FHOD3: variants seen among roughly 807,000 people sequenced by gnomAD.
FHOD3 encodes FH1/FH2 domain-containing protein 3.
In FHOD3, 90 loss-of-function variants were observed where a neutral mutation model predicts 173.0. That is an observed-to-expected ratio of 0.52 (90% CI 0.44 to 0.62). The LOEUF is 0.62. Among genes scored for constraint, FHOD3 ranks in the 20% least tolerant of loss-of-function variants. The pLI, the probability that FHOD3 is intolerant of heterozygous loss-of-function variation, is 0.00. For synonymous variants in FHOD3, 828 were observed against 823.0 expected (o/e 1.01, Z -0.10); for missense variants, 1,945 against 2,034.7 (o/e 0.96, Z 0.85).
At position 36,701,741 on chromosome 18, in the gene FHOD3, C is replaced by A. The variant is rs1048468572; in HGVS notation, c.2237-7354C>A. On this transcript the variant is annotated intron_variant, in intron 17 of 28. Transcript: ENST00000590592. The stretch of plus-strand genomic sequence containing the variant: ...ACACAGCCCATGAATGCAATCCCAG[C>A]ACTTAAGGAGTTCCACTGACGCTAA... Among the ~76,000 whole-genome samples the A allele has an allele frequency of 5.9e-5, 9 of 152,304 alleles. No individual in the cohort carries two copies. The East Asian group carries it at 1.7e-3, about 29-fold the overall frequency.
chr18:36,474,759 C>G (rs72891776), intron 3 of FHOD3, among the ~76,000 whole-genome samples: 1 of 152,198 alleles, frequency 6.6e-6, no homozygotes, highest in African/African-American at 2.4e-5. Context: ...AGCCTGAGCT[C>G]CTGGGGCAGG....
At chr18:36,775,305 G>A (rs943430231) in intron 28 of FHOD3, among the ~76,000 whole-genome samples, 12 of 152,218 alleles carry the variant, frequency 7.9e-5, no homozygotes, top group Admixed American at 7.9e-4. Context: ...AGGTGAAAGC[G>A]CACAGATGGA....
intron 3 of FHOD3, among the ~76,000 whole-genome samples, chr18:36,398,884 T>TGG (rs900375310): frequency 6.6e-6 from 1 of 151,778 alleles, no homozygotes; most frequent in African/African-American, 2.4e-5. Flanking sequence ...AGGACAGGGA[T>TGG]GGGGGGGATC....
intron 3 of FHOD3, among the ~76,000 whole-genome samples, chr18:36,402,341 T>C (rs1405999462): frequency 6.6e-6 from 1 of 152,202 alleles, no homozygotes; most frequent in African/African-American, 2.4e-5. Flanking sequence ...GTGCTCATCT[T>C]GATCTATATC....
intron 3 of FHOD3, among the ~76,000 whole-genome samples, chr18:36,409,485 G>A (rs548110985): frequency 3.3e-5 from 5 of 152,100 alleles, no homozygotes; most frequent in Non-Finnish European, 7.4e-5. Context: ...TGGTCTGGGA[G>A]CCCAGGGTTT....
chr18:36,716,849 C>T (rs1210012323), intron 18 of FHOD3, among the ~76,000 whole-genome samples: 3 of 151,448 alleles, frequency 2.0e-5, no homozygotes, highest in Non-Finnish European at 4.4e-5. Context: ...TAGGTGATAG[C>T]TAGAGGGATG....
At chr18:36,673,954 G>A (rs192353005) in intron 14 of FHOD3, among the ~76,000 whole-genome samples, 1 of 152,050 alleles carries the variant, frequency 6.6e-6, no homozygotes, top group Non-Finnish European at 1.5e-5. Flanking sequence ...TTTGGATAAT[G>A]GAAATGCTGA....
intron 5 of FHOD3, among the ~76,000 whole-genome samples, chr18:36,558,377 T>C (rs969644830): frequency 6.6e-6 from 1 of 152,332 alleles, no homozygotes; most frequent in Non-Finnish European, 1.5e-5. Flanking sequence ...TGCTGTCTAG[T>C]GTCTTGAAAA....
rs148427690 is a variant in FHOD3, at chr18:36,759,088, C to CGTCCT, written c.4426-14_4426-10dup. The CGTCCT allele has an allele frequency of 2.2e-3, 3,322 of 1,535,360 alleles. 56 individuals are homozygous for CGTCCT. The African/African-American group carries it at 0.04, about 19-fold the overall frequency. Reference sequence around the variant, plus strand: ...TTCTAAGAATCCCTTCTGTCTTTTCCGTCCTGTCCTGTCCTGTCCTCTCGG... The same window carrying CGTCCT: ...TTCTAAGAATCCCTTCTGTCTTTTCCGTCCTGTCCTGTCCTGTCCTGTCCTCTCGG... On this transcript the variant is annotated intron_variant, in intron 25 of 28. Transcript: ENST00000590592.
rs760874847 is a variant in FHOD3 at position 36,625,742 on chromosome 18, C to A, written c.1189C>A (p.Arg397Ser). The A allele has an allele frequency of 1.7e-5, 27 of 1,605,414 alleles. No individual in the cohort carries two copies. The highest frequency in any genetic ancestry group is 2.3e-5 in the Non-Finnish European group (27 of 1,174,822). The change falls in exon 10 of 29, where the codon CGT (arginine) becomes AGT (serine). Residue 397 changes from arginine (R) to serine (S), a missense_variant. This residue lies in a region of FHOD3 where 1,099 missense variants were observed against 1,051.2 expected (regional missense o/e 1.05). Coordinates refer to ENST00000590592, the MANE Select transcript of FHOD3 (RefSeq NM_001281740.3). ...CAAGCCCAACCAAGTGCGAGATCTG[C>A]GTGAAAAGTAAGCATTAACTTGGCA... ...SFKPNQVRDLREKEEEEEEEQ... is the reference protein window; with the variant it reads ...SFKPNQVRDLSEKEEEEEEEQ...
At chr18:36,503,564 A>G (rs1291129759) in intron 4 of FHOD3, among the ~76,000 whole-genome samples, 1 of 152,138 alleles carries the variant, frequency 6.6e-6, no homozygotes, top group African/African-American at 2.4e-5. Flanking sequence ...TCCAACAGCC[A>G]TGGTTTTGAA....
chr18:36,408,475 G>A (rs767787764), intron 3 of FHOD3, among the ~76,000 whole-genome samples: 1 of 152,146 alleles, frequency 6.6e-6, no homozygotes, highest in Non-Finnish European at 1.5e-5. Flanking sequence ...GCTGAAGGAG[G>A]TGTGAAGGGC....
rs543013232 is a variant in FHOD3 at position 36,724,422 on chromosome 18, C to T, written c.3417+5707C>T. Among the ~76,000 whole-genome samples the T allele has an allele frequency of 3.3e-5, 5 of 152,320 alleles. No individual in the cohort carries two copies. In the South Asian group the frequency reaches 6.2e-4, roughly 19 times the overall value. On this transcript the variant is annotated intron_variant, in intron 19 of 28. Coordinates refer to ENST00000590592, the MANE Select transcript of FHOD3 (RefSeq NM_001281740.3). ...GCCCACCAGCTGAATCTGGGGCTGC[C>T]GAGAACAGGCACAGCTCTTCCCGAA...
At chr18:36,538,141 T>C (rs1453123675) in intron 5 of FHOD3, among the ~76,000 whole-genome samples, 1 of 152,076 alleles carries the variant, frequency 6.6e-6, no homozygotes, top group Non-Finnish European at 1.5e-5. Context: ...AAATATAGAA[T>C]TGAGTGAAAA....
intron 3 of FHOD3, among the ~76,000 whole-genome samples, chr18:36,437,620 C>G: frequency 6.7e-6 from 1 of 149,780 alleles, no homozygotes; most frequent in East Asian, 1.9e-4. Flanking sequence ...TCCTTCCACA[C>G]TAGTAGTTGG....
At chr18:36,465,232 A>T (rs2052839817) in intron 3 of FHOD3, among the ~76,000 whole-genome samples, 1 of 152,114 alleles carries the variant, frequency 6.6e-6, no homozygotes, top group Non-Finnish European at 1.5e-5. Flanking sequence ...GGAGGCTGAG[A>T]CAGGAGAATT....
intron 10 of FHOD3, among the ~76,000 whole-genome samples, chr18:36,645,821 G>C (rs114427097): frequency 0.025 from 3,741 of 152,074 alleles, 162 homozygotes; most frequent in African/African-American, 0.086. Flanking sequence ...AGTCTTCATA[G>C]CTCTTTAACA....
chr18:36,586,739 C>A (rs2148203706), intron 6 of FHOD3, among the ~76,000 whole-genome samples: 1 of 152,280 alleles, frequency 6.6e-6, no homozygotes, highest in African/African-American at 2.4e-5. Flanking sequence ...CTCGGCCCCG[C>A]AAAGTGCTGG....
At chr18:36,619,817 TG>T (rs1205397452) in intron 9 of FHOD3, among the ~76,000 whole-genome samples, 1 of 151,782 alleles carries the variant, frequency 6.6e-6, no homozygotes, top group East Asian at 1.9e-4. Flanking sequence ...CGGTATGAGG[TG>T]GGGGCCAGAA....
Sources: gnomAD v4.1 joint callset for allele counts (sites outside exome capture counted in the v4.1 genomes callset) on GRCh38, gnomAD v4.1.1 for gene constraint, gnomAD v4.1.1 regional missense constraint, MANE v1.5 for transcripts, NCBI Gene and HGNC (gene_info 2026-07-23, HGNC 2026-07-21) for gene names.